The following PDE4B variants were observed in gnomAD, a reference collection of about 807,000 sequenced individuals.
The protein encoded by PDE4B is 3',5'-cyclic-AMP phosphodiesterase 4B.
Under a neutral mutation model 82.2 loss-of-function variants are expected in PDE4B, and 20 were observed. The observed-to-expected ratio is 0.24, with a 90% CI of 0.17 to 0.35. PDE4B has a LOEUF of 0.35. PDE4B is among the 10% of genes least tolerant of loss of function. The probability of loss-of-function intolerance (pLI) is 1.00; values close to 1 mark genes in which losing one functional copy is unlikely to be tolerated. For missense variants in PDE4B, 655 were observed against 907.2 expected (o/e 0.72, Z 3.57); for synonymous variants, 320 against 318.9 (o/e 1.00, Z -0.04).
At chr1:66,303,370 T>TAC (rs1018707530) in intron 7 of PDE4B, among the ~76,000 whole-genome samples, 72 of 130,810 alleles carry the variant, frequency 5.5e-4, no homozygotes, top group South Asian at 2.5e-3. Flanking sequence ...TATATATATA[T>TAC]ACACACACAC....
intron 1 of PDE4B, among the ~76,000 whole-genome samples, chr1:65,860,497 C>T (rs1248632830): frequency 1.3e-5 from 2 of 152,176 alleles, no homozygotes; most frequent in African/African-American, 4.8e-5. Context: ...AACAGTGCTG[C>T]AATAAACATA....
chr1:65,870,338 G>A (rs12749548), intron 1 of PDE4B, among the ~76,000 whole-genome samples: 27,188 of 152,036 alleles, frequency 0.18, 2,899 homozygotes, highest in South Asian at 0.38. Context: ...TGAGCATAAA[G>A]TGTATCATTT....
chr1:65,972,760 T>C (rs974428622), intron 3 of PDE4B, among the ~76,000 whole-genome samples: 1 of 152,212 alleles, frequency 6.6e-6, no homozygotes, highest in African/African-American at 2.4e-5. Flanking sequence ...AATTTTTTCC[T>C]TTATTTAGAT....
chr1:65,977,236 G>A lies in PDE4B; in HGVS notation c.281+58401G>A, dbSNP rs114071603. 7.7e-3 allele frequency among the ~76,000 whole-genome samples: 1,176 copies of A among 152,158 alleles called. 6 individuals carry two copies. Among genetic ancestry groups the A allele is most frequent in the Non-Finnish European group, 0.012 (823 of 68,006 alleles). On this transcript the variant is annotated intron_variant, in intron 3 of 16. Transcript: ENST00000341517. ...CTGAAGACTTGTTAAGGGATTTCTG[G>A]GTCCCACTCCCCAGAGTTTCTGATT...
At chr1:66,048,476 G>A (rs1216808366) in intron 3 of PDE4B, among the ~76,000 whole-genome samples, 1 of 151,918 alleles carries the variant, frequency 6.6e-6, no homozygotes, top group Non-Finnish European at 1.5e-5. Context: ...TGTAAATATG[G>A]CATTCAATAT....
intron 7 of PDE4B, among the ~76,000 whole-genome samples, chr1:66,319,748 T>C (rs1445815516): frequency 2.6e-5 from 4 of 152,198 alleles, no homozygotes; most frequent in African/African-American, 4.8e-5. Flanking sequence ...GAAAGGTAGA[T>C]GAGGATTAAA....
chr1:66,264,090 A>G (rs868087273), intron 6 of PDE4B, among the ~76,000 whole-genome samples: 9 of 152,230 alleles, frequency 5.9e-5, no homozygotes, highest in Non-Finnish European at 1.0e-4. Flanking sequence ...TTGAACACTA[A>G]CTAGACAGAG....
At chr1:65,932,126 T>C (rs1647869098) in intron 3 of PDE4B, among the ~76,000 whole-genome samples, 1 of 151,896 alleles carries the variant, frequency 6.6e-6, no homozygotes, top group Admixed American at 6.6e-5. Flanking sequence ...TTTGGGGTAC[T>C]TATGGGACCT....
chr1:66,178,910 G>C (rs1390111223), intron 3 of PDE4B, among the ~76,000 whole-genome samples: 2 of 152,106 alleles, frequency 1.3e-5, no homozygotes, highest in East Asian at 3.9e-4. Context: ...GGAGTGCAAT[G>C]GCGCGATCTC....
intron 7 of PDE4B, among the ~76,000 whole-genome samples, chr1:66,275,935 C>T (rs1655850094): frequency 1.3e-5 from 2 of 152,170 alleles, no homozygotes; most frequent in South Asian, 2.1e-4. Context: ...TTTTCCTACC[C>T]CCTGTCTGGC....
intron 3 of PDE4B, among the ~76,000 whole-genome samples, chr1:66,223,420 T>C (rs533480562): frequency 6.6e-6 from 1 of 152,340 alleles, no homozygotes; most frequent in East Asian, 1.9e-4. Flanking sequence ...ACTTGCTTCA[T>C]ATTCAATTTT....
At chr1:66,056,546 TC>T (rs1363512632) in intron 3 of PDE4B, among the ~76,000 whole-genome samples, 7 of 152,142 alleles carry the variant, frequency 4.6e-5, no homozygotes, top group African/African-American at 1.7e-4. Context: ...TATCTATCTA[TC>T]TATCTATCTA....
chr1:66,255,231 T>C (rs1310563491), intron 4 of PDE4B, among the ~76,000 whole-genome samples: 1 of 152,020 alleles, frequency 6.6e-6, no homozygotes, highest in Non-Finnish European at 1.5e-5. Context: ...ATTACAGGCA[T>C]GTACCACCAC....
At chr1:66,135,774 C>T (rs950803042) in intron 3 of PDE4B, among the ~76,000 whole-genome samples, 32 of 152,166 alleles carry the variant, frequency 2.1e-4, no homozygotes, top group Admixed American at 1.4e-3. Context: ...ATAGAAGTCT[C>T]GTGGTCAATT....
intron 1 of PDE4B, among the ~76,000 whole-genome samples, chr1:65,902,450 A>C (rs1192410619): frequency 6.6e-6 from 1 of 152,120 alleles, no homozygotes; most frequent in Non-Finnish European, 1.5e-5. Context: ...CTTCCTGATA[A>C]AATTCCACTT....
intron 7 of PDE4B, among the ~76,000 whole-genome samples, chr1:66,294,120 C>A (rs2101819285): frequency 6.6e-6 from 1 of 152,210 alleles, no homozygotes; most frequent in African/African-American, 2.4e-5. Flanking sequence ...GCAGGAGAAT[C>A]ACTTGAACCC....
intron 6 of PDE4B, among the ~76,000 whole-genome samples, chr1:66,263,507 A>T (rs147346786): frequency 5.3e-5 from 8 of 152,348 alleles, no homozygotes; most frequent in Admixed American, 5.2e-4. Flanking sequence ...GGGTTATTCA[A>T]TCTACATTCT....
chr1:65,871,077 G>C (rs961940292), intron 1 of PDE4B, among the ~76,000 whole-genome samples: 2 of 152,108 alleles, frequency 1.3e-5, no homozygotes, highest in Admixed American at 1.3e-4. Flanking sequence ...ATGATGACAG[G>C]GACCTAGTTA....
At chr1:66,180,085 A>G (rs1423733554) in intron 3 of PDE4B, among the ~76,000 whole-genome samples, 3 of 152,226 alleles carry the variant, frequency 2.0e-5, no homozygotes, top group African/African-American at 7.2e-5. Context: ...TGTTTAGTGG[A>G]AACAGAAATG....
Sources: gnomAD v4.1 joint callset for allele counts (sites outside exome capture counted in the v4.1 genomes callset) on GRCh38, gnomAD v4.1.1 for gene constraint, MANE v1.5 for transcripts, NCBI Gene and HGNC (gene_info 2026-07-23, HGNC 2026-07-21) for gene names.